SRGAP3: variants seen among roughly 807,000 people sequenced by gnomAD.
SRGAP3 encodes SLIT-ROBO Rho GTPase-activating protein 3.
Under a neutral mutation model 121.1 loss-of-function variants are expected in SRGAP3, and 39 were observed. That is an observed-to-expected ratio of 0.32 (90% CI 0.25 to 0.42). The LOEUF (loss-of-function observed/expected upper bound fraction) is 0.42. SRGAP3 is among the 10% of genes least tolerant of loss of function. SRGAP3 has a pLI of 1.00. For missense variants in SRGAP3, 1,213 were observed against 1,470.6 expected (o/e 0.82, Z 2.86); for synonymous variants, 601 against 570.0 (o/e 1.05, Z -0.77).
At chr3:9,248,388 C>G (rs1020749432) in intron 1 of SRGAP3, among the ~76,000 whole-genome samples, 1 of 152,162 alleles carries the variant, frequency 6.6e-6, no homozygotes, top group African/African-American at 2.4e-5. Context: ...AGGGATGCTG[C>G]CTCGCTGTGC....
intron 2 of SRGAP3, among the ~76,000 whole-genome samples, chr3:9,114,388 C>A (rs978034349): frequency 6.6e-6 from 1 of 152,182 alleles, no homozygotes; most frequent in South Asian, 2.1e-4. Flanking sequence ...TGTACATAGA[C>A]AAACAGCCTA....
chr3:9,352,087 ACT>A lies in SRGAP3; in HGVS notation n.214+10751_214+10752del, dbSNP rs1266404396. On this transcript the variant is annotated intron_variant and non_coding_transcript_variant, in intron 1 of 3. Coordinates refer to the SRGAP3 transcript ENST00000490889. ...GGGGCTTTAAGGCCATCTAATCGAC[ACT>A]CTGTTTCTGACTCCCCTGATTACCC... Among the ~76,000 whole-genome samples the A allele has an allele frequency of 5.3e-5, 8 of 151,340 alleles. No homozygotes were observed. The South Asian group carries it at 6.3e-4, about 12-fold the overall frequency.
At chr3:9,242,163 T>TGAGCAGAC (rs1271566153) in intron 1 of SRGAP3, among the ~76,000 whole-genome samples, 1 of 150,022 alleles carries the variant, frequency 6.7e-6, no homozygotes, top group Non-Finnish European at 1.5e-5. Context: ...AAAGGCCAGA[T>TGAGCAGAC]GAGCACATGG....
intron 1 of SRGAP3, among the ~76,000 whole-genome samples, chr3:9,172,015 A>G (rs541256003): frequency 6.7e-6 from 1 of 149,724 alleles, no homozygotes; most frequent in African/African-American, 2.5e-5. Context: ...CTCCTTGTGT[A>G]TGTCTGTCTC....
At chr3:9,094,411 A>G (rs1235797337) in intron 3 of SRGAP3, among the ~76,000 whole-genome samples, 1 of 152,230 alleles carries the variant, frequency 6.6e-6, no homozygotes, top group East Asian at 1.9e-4. Flanking sequence ...TCTCTATTAG[A>G]AACACCACTG....
chr3:9,319,460 A>G (rs1352938732), intron 3 of SRGAP3, among the ~76,000 whole-genome samples: 1 of 151,972 alleles, frequency 6.6e-6, no homozygotes, highest in East Asian at 1.9e-4. Context: ...ACAGCAGATG[A>G]CAGCAAGGGC....
intron 18 of SRGAP3, among the ~76,000 whole-genome samples, chr3:8,999,469 G>C (rs1412472526): frequency 2.6e-5 from 4 of 152,146 alleles, no homozygotes; most frequent in African/African-American, 9.7e-5. Context: ...CTCTGTTATA[G>C]GTCATGAGTC....
At chr3:9,330,282 C>T (rs1462843819) in intron 2 of SRGAP3, among the ~76,000 whole-genome samples, 2 of 152,194 alleles carry the variant, frequency 1.3e-5, no homozygotes, top group East Asian at 3.9e-4. Flanking sequence ...TCCTTTATGA[C>T]CCAGTCAGAT....
intron 1 of SRGAP3, among the ~76,000 whole-genome samples, chr3:9,192,156 G>C (rs1348470078): frequency 6.6e-6 from 1 of 152,180 alleles, no homozygotes; most frequent in Non-Finnish European, 1.5e-5. Context: ...ACTAGCTTGG[G>C]GTCCTCAAAC....
intron 1 of SRGAP3, among the ~76,000 whole-genome samples, chr3:9,195,093 C>T (rs1951877311): frequency 6.6e-6 from 1 of 152,370 alleles, no homozygotes. Context: ...AAGCTCCCAG[C>T]AAGACATCAC....
chr3:9,342,461 A>C (rs954902275), intron 1 of SRGAP3, among the ~76,000 whole-genome samples: 1 of 152,226 alleles, frequency 6.6e-6, no homozygotes, highest in Non-Finnish European at 1.5e-5. Flanking sequence ...GGCTGCAAAT[A>C]GCCTGCACCT....
chr3:9,013,213 T>G (rs1003723806), intron 17 of SRGAP3, 95 bp downstream of exon 17: 9 of 1,241,840 alleles, frequency 7.2e-6, no homozygotes, highest in Non-Finnish European at 1.0e-5. Flanking sequence ...GCACCGACTA[T>G]CAAGCAGTAA....
chr3:9,016,301 T>G (rs1209765074), intron 14 of SRGAP3, among the ~76,000 whole-genome samples: 1 of 152,236 alleles, frequency 6.6e-6, no homozygotes, highest in Non-Finnish European at 1.5e-5. Context: ...TCTTGAGTCC[T>G]TTAAATGTAA....
At chr3:9,135,096 T>A (rs890088342) in intron 1 of SRGAP3, among the ~76,000 whole-genome samples, 2 of 152,196 alleles carry the variant, frequency 1.3e-5, no homozygotes, top group Non-Finnish European at 2.9e-5. Flanking sequence ...TTGCATTTAA[T>A]TAAAATAAAA....
At chr3:9,100,116 TAATCTTTCTTAAC>T (rs936882971) in intron 3 of SRGAP3, among the ~76,000 whole-genome samples, 1 of 152,224 alleles carries the variant, frequency 6.6e-6, no homozygotes, top group African/African-American at 2.4e-5. Context: ...AATGTCAACT[TAATCTTTCTTAAC>T]ATAGTAAGGG....
intron 21 of SRGAP3, among the ~76,000 whole-genome samples, chr3:8,987,341 G>C (rs1462214938): frequency 6.6e-6 from 1 of 152,190 alleles, no homozygotes; most frequent in Non-Finnish European, 1.5e-5. Context: ...TACTGCCTAA[G>C]CCACCACTGG....
chr3:9,102,531 G>A (rs544470317), intron 3 of SRGAP3, among the ~76,000 whole-genome samples: 24 of 152,284 alleles, frequency 1.6e-4, no homozygotes, highest in Admixed American at 9.2e-4. Context: ...TGAGGTCTGC[G>A]GGAACTATTA....
chr3:9,203,089 G>C (rs1413016226), intron 1 of SRGAP3, among the ~76,000 whole-genome samples: 1 of 152,136 alleles, frequency 6.6e-6, no homozygotes, highest in Non-Finnish European at 1.5e-5. Flanking sequence ...AATCCTCAGG[G>C]AACTTATTGC....
intron 1 of SRGAP3, among the ~76,000 whole-genome samples, chr3:9,225,638 G>A (rs185974994): frequency 7.2e-5 from 11 of 152,070 alleles, no homozygotes; most frequent in African/African-American, 2.2e-4. Context: ...CCAGCTGCCC[G>A]CCCTTCTGCT....
Sources: allele counts gnomAD v4.1 joint callset (sites outside exome capture counted in the v4.1 genomes callset), GRCh38; gene constraint gnomAD v4.1.1; transcripts MANE v1.5; gene names NCBI Gene and HGNC (gene_info 2026-07-23, HGNC 2026-07-21).